FRY: variants seen among roughly 807,000 people sequenced by gnomAD.
The protein encoded by FRY is FRY microtubule binding protein.
A neutral mutation model predicts 348.4 loss-of-function variants in FRY; 128 were observed. The observed-to-expected ratio is 0.37, with a 90% CI of 0.32 to 0.43. FRY has a LOEUF of 0.43. Ranked by LOEUF, FRY falls within the 20% of genes least tolerant of loss-of-function variation. FRY has a pLI of 1.00. For synonymous variants in FRY, 1,370 were observed against 1,374.7 expected (o/e 1.00, Z 0.08); for missense variants, 2,736 against 3,695.2 (o/e 0.74, Z 6.73).
intron 1 of FRY, among the ~76,000 whole-genome samples, chr13:32,064,175 A>G (rs1349903120): frequency 3.3e-5 from 5 of 152,114 alleles, no homozygotes; most frequent in Admixed American, 2.6e-4. Context: ...AGCAGAGGGG[A>G]GTACCAAGGA....
At chr13:32,124,489 T>C in intron 5 of FRY, 113 bp downstream of exon 5, 5 of 863,294 alleles carry the variant, frequency 5.8e-6, no homozygotes, top group Non-Finnish European at 9.6e-6. Context: ...TACTGGGTTA[T>C]ATGACTTATG....
At chr13:32,167,067 C>T (rs182866173) in intron 17 of FRY, among the ~76,000 whole-genome samples, 14 of 152,154 alleles carry the variant, frequency 9.2e-5, no homozygotes, top group East Asian at 1.9e-4. Context: ...GCAAATTGTG[C>T]GTGAGAGCAA....
chr13:32,224,255 A>G lies in FRY; in HGVS notation c.4786A>G (p.Thr1596Ala), dbSNP rs1278768778. Residue 1596 changes from threonine to alanine, a missense_variant, in exon 37 of 61, where the codon ACG (threonine) becomes GCG (alanine). Around this residue, in one of 9 missense-constraint regions of FRY, gnomAD observed 794 missense variants for 977.0 expected, o/e 0.81. Transcript: ENST00000542859. Reference protein sequence around the residue: ...EDKNDPISPYTGWLLTITETK... With the variant: ...EDKNDPISPYAGWLLTITETK... ...TCCAGATGATCCAATTTCTCCCTAC[A>G]CGGGCTGGTTGCTGACTATTACAGA... is the stretch of plus-strand genomic sequence containing the variant. 1 of 1,614,082 alleles carries G rather than the reference A, an allele frequency of 6.2e-7. No homozygotes were observed. The highest frequency in any genetic ancestry group is 1.7e-5 in the Admixed American group (1 of 60,022).
At chr13:32,286,988 T>C (rs1316220626) in intron 58 of FRY, among the ~76,000 whole-genome samples, 2 of 149,932 alleles carry the variant, frequency 1.3e-5, no homozygotes, top group African/African-American at 4.9e-5. Context: ...TGAAACCCCA[T>C]CTCTACTAAA....
At chr13:32,191,960 A>G (rs763860923) in intron 28 of FRY, among the ~76,000 whole-genome samples, 1 of 152,198 alleles carries the variant, frequency 6.6e-6, no homozygotes, top group Non-Finnish European at 1.5e-5. Context: ...ACAAAATTAT[A>G]TACCATATAA....
At chr13:32,205,225 G>T (rs575049682) in intron 31 of FRY, among the ~76,000 whole-genome samples, 1 of 129,582 alleles carries the variant, frequency 7.7e-6, no homozygotes, top group Admixed American at 7.7e-5. Context: ...AAAAAAAAAG[G>T]TGTGCGATCA....
chr13:32,201,876 G>A lies in FRY; in HGVS notation c.3747-65G>A, dbSNP rs969055608. 36 of 905,446 alleles carry A rather than the reference G, an allele frequency of 4.0e-5. No homozygotes were observed. In the Admixed American group the frequency reaches 4.1e-4, roughly 10 times the overall value. The allele number at this position is 905,446 out of a possible 1,614,324, so 56.1% of individuals were successfully genotyped here. A position where few individuals can be genotyped will look rare whatever the true frequency, so the allele number is the denominator to read the frequency against. On this transcript the variant is annotated intron_variant, in intron 29 of 60. Transcript: ENST00000542859. ...AGCATGCCAGCTAGAATTTTAAGAG[G>A]TAACAATCTAGCCACTCTGTCTTAT...
rs116284033 is a variant in FRY at position 32,253,373 on chromosome 13, G to A, written c.7246-851G>A. 8.8e-3 allele frequency among the ~76,000 whole-genome samples: 1,345 copies of A among 152,224 alleles called. 19 individuals carry two copies. Among genetic ancestry groups the A allele is most frequent in the African/African-American group, 0.03 (1,263 of 41,540 alleles). On this transcript the variant is annotated intron_variant, in intron 50 of 60. Transcript: ENST00000542859. ...TTTCTACTTTTGAGAGATGTTTATC[G>A]TATTTAAATTCTTATAAATGATTTT...
intron 29 of FRY, among the ~76,000 whole-genome samples, chr13:32,200,824 A>G (rs181296536): frequency 1.3e-5 from 2 of 152,258 alleles, no homozygotes; most frequent in East Asian, 3.9e-4. Flanking sequence ...CAGTTACCAA[A>G]TCCTGATGAT....
intron 8 of FRY, among the ~76,000 whole-genome samples, chr13:32,133,768 C>CTTTTTTTTTTTTTTTTTTTTTT (rs34413710): frequency 7.8e-4 from 70 of 89,278 alleles, no homozygotes; most frequent in Non-Finnish European, 1.1e-3. Context: ...TTCTTTCTTT[C>CTTTTTTTTTTTTTTTTTTTTTT]TTTTTTTTTT....
rs1882954122 is a variant in FRY, at chr13:32,185,125, C to T, written c.3296C>T (p.Ala1099Val). 1.2e-5 allele frequency: 20 copies of T among 1,613,818 alleles called. No individual in the cohort carries two copies. Among genetic ancestry groups the T allele is most frequent in the Non-Finnish European group, 1.7e-5 (20 of 1,179,856 alleles). Reference protein sequence around the residue: ...DIRAHFSAMVANLIQCVPVHH... With the variant: ...DIRAHFSAMVVNLIQCVPVHH... Reference sequence around the variant, plus strand: ...CGGGCACATTTTAGTGCAATGGTGGCCAACTTGATTCAGTGTGTTCCAGGT... The same window carrying T: ...CGGGCACATTTTAGTGCAATGGTGGTCAACTTGATTCAGTGTGTTCCAGGT... The change falls in exon 26 of 61, where the codon GCC becomes GTC. Residue 1099 changes from alanine (A) to valine (V), a missense_variant. Ala to Val is a moderately conservative substitution (Grantham distance 64). Transcript: ENST00000542859.
intron 59 of FRY, among the ~76,000 whole-genome samples, chr13:32,293,807 G>A (rs1412589175): frequency 2.0e-5 from 3 of 152,196 alleles, no homozygotes; most frequent in Non-Finnish European, 4.4e-5. Flanking sequence ...GGAACCAAGA[G>A]TGAGAAAAAC....
intron 31 of FRY, among the ~76,000 whole-genome samples, chr13:32,203,058 GA>G (rs1217880272): frequency 6.6e-6 from 1 of 152,014 alleles, no homozygotes; most frequent in African/African-American, 2.4e-5. Flanking sequence ...ATTGTTAAAT[GA>G]AAAAAATTTC....
Position 32,145,527 on chromosome 13 carries a change from T to TTG in FRY, c.1180-1754_1180-1753insGT, listed in dbSNP as rs1491368253. Reference sequence around the variant, plus strand: ...CACACTCCCCTCTCTGACTGATTTGTTTTTTTTTTTTTTTTTTTTTTTTTT... The same window carrying TTG: ...CACACTCCCCTCTCTGACTGATTTGTTGTTTTTTTTTTTTTTTTTTTTTTTTT... On this transcript the variant is annotated intron_variant, in intron 11 of 60. Coordinates refer to ENST00000542859, the MANE Select transcript of FRY (RefSeq NM_023037.3). 2.3e-4 allele frequency among the ~76,000 whole-genome samples: 16 copies of TTG among 70,590 alleles called. No individual in the cohort carries two copies. The East Asian group carries it at 3.0e-3, about 13-fold the overall frequency. The allele number at this position is 70,590 out of a possible 152,430, so 46.3% of individuals were successfully genotyped here. A position where few individuals can be genotyped will look rare whatever the true frequency, so the allele number is the denominator to read the frequency against.
chr13:32,256,303 G>A (rs1257844796), intron 51 of FRY, among the ~76,000 whole-genome samples: 1 of 152,124 alleles, frequency 6.6e-6, no homozygotes, highest in African/African-American at 2.4e-5. Flanking sequence ...GGAGGCTGAG[G>A]CATCCTAGAG....
chr13:32,178,221 G>A lies in FRY; in HGVS notation c.2466G>A (p.Val822=). The change falls in exon 21 of 61, where the codon GTG becomes GTA. Residue 822 remains valine (V), a synonymous_variant. Transcript: ENST00000542859. ...ACAATGTGGATCTGCAGTGGTTGGT[G>A]GAATGGAACGCAGTCCTGGTCAATA... ...LTHNVDLQWL[V]EWNAVLVNSH... is the part of the protein sequence containing the mutation. 1.2e-6 allele frequency: 2 copies of A among 1,614,168 alleles called. No homozygotes were observed. The highest frequency in any genetic ancestry group is 1.7e-6 in the Non-Finnish European group (2 of 1,179,972).
rs752684249 is a variant in FRY, at chr13:32,171,149, T to C, written c.2030T>C (p.Met677Thr). 14 of 1,613,934 alleles carry C rather than the reference T, an allele frequency of 8.7e-6. No homozygotes were observed. The highest frequency in any genetic ancestry group is 7.7e-5 in the South Asian group (7 of 91,072). ...TNFLLREVNDMHHTLLDSSLK... is the reference protein window; with the variant it reads ...TNFLLREVNDTHHTLLDSSLK... ...TTCCTGCTCCGGGAAGTAAATGATA[T>C]GCATCACACACTCCTTGATTCGTCC... Residue 677 changes from methionine (M) to threonine (T), a missense_variant, in exon 18 of 61, where the codon ATG becomes ACG. Transcript: ENST00000542859.
intron 11 of FRY, among the ~76,000 whole-genome samples, chr13:32,141,602 G>A (rs573819396): frequency 1.1e-4 from 16 of 152,244 alleles, no homozygotes; most frequent in African/African-American, 3.9e-4. Context: ...TATCTAAGGT[G>A]CAACCCAGGA....
At chr13:32,035,122 A>G (rs1218718886) in intron 1 of FRY, among the ~76,000 whole-genome samples, 1 of 152,216 alleles carries the variant, frequency 6.6e-6, no homozygotes, top group Non-Finnish European at 1.5e-5. Flanking sequence ...AATAATATTC[A>G]TGTATTCTAA....
Sources: allele counts gnomAD v4.1 joint callset (sites outside exome capture counted in the v4.1 genomes callset), GRCh38; gene constraint gnomAD v4.1.1; regional missense constraint gnomAD v4.1.1; transcripts MANE v1.5; gene names NCBI Gene and HGNC (gene_info 2026-07-23, HGNC 2026-07-21).